Variants in CRB2 observed in about 807,000 individuals in gnomAD.
CRB2 encodes the protein protein crumbs homolog 2.
A neutral mutation model predicts 110.9 loss-of-function variants in CRB2; 85 were observed. The observed-to-expected ratio is 0.77, with a 90% CI of 0.64 to 0.92. CRB2 has a LOEUF of 0.92. Among genes scored for constraint, CRB2 ranks in the 40% least tolerant of loss-of-function variants. CRB2 has a pLI of 0.00. For missense variants in CRB2, 1,843 were observed against 1,851.3 expected (o/e 1.00, Z 0.08); for synonymous variants, 907 against 831.0 (o/e 1.09, Z -1.57).
intron 2 of CRB2, among the ~76,000 whole-genome samples, chr9:123,365,080 G>A (rs1365319044): frequency 6.6e-6 from 1 of 152,080 alleles, no homozygotes; most frequent in African/African-American, 2.4e-5. Context: ...TGGCCAACAT[G>A]GTGAAACGCC....
At chr9:123,354,182 G>A (rs2041775186), upstream of CRB2, among the ~76,000 whole-genome samples, 3 of 152,208 alleles carry the variant, frequency 2.0e-5, no homozygotes, top group African/African-American at 7.2e-5. Flanking sequence ...GTGCTGTCGG[G>A]GGAGCCCCCC....
rs1263071117 is a variant in CRB2 at position 123,370,168 on chromosome 9, C to T, written c.1115C>T (p.Thr372Ile). The change falls in exon 7 of 13, where the codon ACC becomes ATC. Residue 372 changes from threonine to isoleucine, a missense_variant. Thr to Ile is a moderately conservative substitution (Grantham distance 89). Transcript: ENST00000373631. ...TCGGATCCCTGCCTGCACGGCGGAA[C>T]CTGCAGTGACACTGTGGCAGGCTAT... Reference protein sequence around the residue: ...CLSDPCLHGGTCSDTVAGYIC... With the variant: ...CLSDPCLHGGICSDTVAGYIC... 7.5e-6 allele frequency: 12 copies of T among 1,610,578 alleles called. No homozygotes were observed. The highest frequency in any genetic ancestry group is 1.3e-5 in the African/African-American group (1 of 74,908).
At position 123,370,037 on chromosome 9, in the gene CRB2, T is replaced by G. The variant is rs558196858; in HGVS notation, c.1055-71T>G. ...ACTGAGGTCCCCATCATAAGAGGCA[T>G]GTAAGTTCTGGGTCAGTACTGTGAT... On this transcript the variant is annotated intron_variant, in intron 6 of 12. Transcript: ENST00000373631. The G allele has an allele frequency of 2.8e-4, 421 of 1,499,098 alleles. 1 individual carries two copies. The highest frequency in any genetic ancestry group is 3.6e-4 in the Non-Finnish European group (403 of 1,120,080). 92.9% of individuals were successfully genotyped at this position (1,499,098 alleles called of 1,614,324 possible).
chr9:123,367,110 TA>T, intron 4 of CRB2, 61 bp from the exon 5 acceptor site: 1 of 1,482,594 alleles, frequency 6.7e-7, no homozygotes, highest in Non-Finnish European at 8.9e-7. Context: ...AGCCTGGTCA[TA>T]GTGAAGAGGT....
chr9:123,371,154 C>T lies in CRB2; in HGVS notation c.2012C>T (p.Thr671Ile). The T allele has an allele frequency of 6.2e-7, 1 of 1,613,734 alleles. No individual in the cohort carries two copies. The change falls in exon 8 of 13, where the codon ACA becomes ATA. Residue 671 changes from threonine to isoleucine, a missense_variant. Thr to Ile is a moderately conservative substitution (Grantham distance 89, BLOSUM62 -1). Coordinates refer to ENST00000373631, the MANE Select transcript of CRB2 (RefSeq NM_173689.7). Reference sequence around the variant, plus strand: ...CAAGAGCTGCCAGGTCCCAACCTCACAGTGTCTTTCCTTCTCCGCACTCGG... The same window carrying T: ...CAAGAGCTGCCAGGTCCCAACCTCATAGTGTCTTTCCTTCTCCGCACTCGG... ...LLQELPGPNLTVSFLLRTRES... is the reference protein window; with the variant it reads ...LLQELPGPNLIVSFLLRTRES...
At chr9:123,356,116 G>A, upstream of CRB2, 1 of 509,720 alleles carries the variant, frequency 2.0e-6, no homozygotes, top group Non-Finnish European at 3.4e-6. Flanking sequence ...TGGGTGGGAG[G>A]AGGAGGCGGT....
At position 123,362,986 on chromosome 9, in the gene CRB2, C is replaced by T. The variant is rs780723648; in HGVS notation, c.216C>T (p.Ala72=). ...TCGPMEPRGC[A]TQPCHHGALC... is the part of the protein sequence containing the mutation. ...GGCCCATGGAGCCCCGGGGCTGTGCCACCCAGCCATGCCACCACGGCGCTC... is the reference window on the plus strand; with the variant it reads ...GGCCCATGGAGCCCCGGGGCTGTGCTACCCAGCCATGCCACCACGGCGCTC... The change falls in exon 2 of 13, where the codon GCC becomes GCT. Residue 72 remains alanine (A), a synonymous_variant. Transcript: ENST00000373631. 8 of 1,612,342 alleles carry T rather than the reference C, an allele frequency of 5.0e-6. No individual in the cohort carries two copies. The highest frequency in any genetic ancestry group is 2.2e-5 in the East Asian group (1 of 44,878).
Position 123,356,363 on chromosome 9 carries a change from G to T in CRB2, c.94+9G>T. 1 of 1,540,484 alleles carries T rather than the reference G, an allele frequency of 6.5e-7. No individual in the cohort carries two copies. Among genetic ancestry groups the T allele is most frequent in the African/African-American group, 1.4e-5 (1 of 72,556 alleles). On this transcript the variant is annotated intron_variant, in intron 1 of 12. Coordinates refer to ENST00000373631, the MANE Select transcript of CRB2 (RefSeq NM_173689.7). ...CCTTTCCCTCCTGGCTGGTGAGTTG[G>T]GGCCCATGTCTGGAGGGGCCTGGGA...
At position 123,377,001 on chromosome 9, in the gene CRB2, C is replaced by T. The variant is rs1158395546; in HGVS notation, c.3797C>T (p.Ala1266Val). The change falls in exon 13 of 13, where the codon GCT (alanine) becomes GTT (valine). Residue 1266 changes from alanine (A) to valine (V), a missense_variant. Transcript: ENST00000373631. ...GTYSPSQQEV[A>V]GARLEMDSVL... is the part of the protein sequence containing the mutation. ...TACAGCCCAAGCCAGCAGGAGGTGG[C>T]TGGGGCCCGGCTGGAGATGGACAGT... 2.5e-6 allele frequency: 4 copies of T among 1,609,102 alleles called. No homozygotes were observed. In the South Asian group the frequency reaches 3.3e-5, roughly 13 times the overall value.
intron 2 of CRB2, among the ~76,000 whole-genome samples, chr9:123,364,215 C>T (rs918668909): frequency 9.9e-5 from 15 of 152,086 alleles, no homozygotes; most frequent in African/African-American, 3.1e-4. Context: ...AGGTCACATT[C>T]GTCCATGTGT....
In CRB2 at chr9:123,376,819, G is replaced by T; in HGVS notation, c.3634-19G>T. On this transcript the variant is annotated intron_variant, in intron 12 of 12. Transcript: ENST00000373631. ...CCCCTTCTCTGCGGTCTTAGGCCTCGGTGTCGTGTCTCTTGCAGAAGGGCC... is the reference window on the plus strand; with the variant it reads ...CCCCTTCTCTGCGGTCTTAGGCCTCTGTGTCGTGTCTCTTGCAGAAGGGCC... The T allele has an allele frequency of 6.3e-7, 1 of 1,595,236 alleles. No individual in the cohort carries two copies. The highest frequency in any genetic ancestry group is 8.5e-7 in the Non-Finnish European group (1 of 1,172,756).
At position 123,376,866 on chromosome 9, in the gene CRB2, C is replaced by T. The variant is rs780842675; in HGVS notation, c.3662C>T (p.Pro1221Leu). ...GGCCTGCCCCTGCCGCTGCCATTCC[C>T]ACTGCTGGAGGTGGCCGTACCTGCA... ...AKGLPLPLPFPLLEVAVPAAC... is the reference protein window; with the variant it reads ...AKGLPLPLPFLLLEVAVPAAC... Residue 1221 changes from proline (P) to leucine (L), a missense_variant, in exon 13 of 13, where the codon CCA (proline) becomes CTA (leucine). Physicochemically the swap from Pro to Leu is moderately conservative, Grantham distance 98. Coordinates refer to ENST00000373631, the MANE Select transcript of CRB2 (RefSeq NM_173689.7). The T allele has an allele frequency of 6.2e-7, 1 of 1,609,548 alleles. No individual in the cohort carries two copies. The highest frequency in any genetic ancestry group is 1.1e-5 in the South Asian group (1 of 90,312).
intron 2 of CRB2, among the ~76,000 whole-genome samples, chr9:123,364,283 C>G (rs1485366233): frequency 1.3e-5 from 1 of 77,528 alleles, no homozygotes; most frequent in East Asian, 4.1e-4. Context: ...CTGGGGGTGT[C>G]TGCAGTCTGA....
chr9:123,380,246 T>G (rs574569299), downstream of CRB2: 2 of 152,566 alleles, frequency 1.3e-5, no homozygotes, highest in South Asian at 4.1e-4. Context: ...TTAACTTGGT[T>G]TATGGAAATG....
Position 123,365,962 on chromosome 9 carries a change from G to A in CRB2, c.464G>A (p.Cys155Tyr), listed in dbSNP as rs759056934. The A allele has an allele frequency of 6.3e-7, 1 of 1,597,376 alleles. No homozygotes were observed. The highest frequency in any genetic ancestry group is 8.5e-7 in the Non-Finnish European group (1 of 1,178,986). ...MEVDECASAP[C>Y]LHGGSCLDGV... is the part of the protein sequence containing the mutation. Reference sequence around the variant, plus strand: ...GTGGACGAGTGCGCCTCAGCGCCCTGCCTGCACGGGGGCTCGTGCCTGGAC... The same window carrying A: ...GTGGACGAGTGCGCCTCAGCGCCCTACCTGCACGGGGGCTCGTGCCTGGAC... The change falls in exon 3 of 13, where the codon TGC (cysteine) becomes TAC (tyrosine). Residue 155 changes from cysteine (C) to tyrosine (Y), a missense_variant. Physicochemically the swap from Cys to Tyr is radical, Grantham distance 194. Transcript: ENST00000373631.
chr9:123,365,783 A>ACC, intron 2 of CRB2, 134 bp from the exon 3 acceptor site: 2 of 518,180 alleles, frequency 3.9e-6, no homozygotes, highest in African/African-American at 2.3e-5. Flanking sequence ...CCCACCCCCC[A>ACC]ACCACCACCA....
rs778114990 is a variant in CRB2, at chr9:123,370,457, A to G, written c.1404A>G (p.Thr468=). 2.5e-6 allele frequency: 4 copies of G among 1,613,174 alleles called. No homozygotes were observed. The highest frequency in any genetic ancestry group is 3.3e-5 in the Admixed American group (2 of 59,994). The stretch of plus-strand genomic sequence containing the variant: ...GTCTGGCACTGAGGTTTCGCACCAC[A>G]CTGCCCGCTGGGACCTTGGCCACTC... ...PLGLALRFRT[T]LPAGTLATRN... is the part of the protein sequence containing the mutation. Residue 468 remains threonine (T), a synonymous_variant, in exon 7 of 13, where the codon ACA becomes ACG. Coordinates refer to ENST00000373631, the MANE Select transcript of CRB2 (RefSeq NM_173689.7).
At chr9:123,363,784 C>CT (rs1424327508) in intron 2 of CRB2, among the ~76,000 whole-genome samples, 2 of 152,254 alleles carry the variant, frequency 1.3e-5, no homozygotes, top group Non-Finnish European at 2.9e-5. Flanking sequence ...AGAAAAGTGA[C>CT]TGGCACTAAG....
In CRB2 at chr9:123,373,834, C is replaced by T. The variant is rs778889706; in HGVS notation, c.3303C>T (p.Ala1101=). 2.5e-5 allele frequency: 39 copies of T among 1,571,324 alleles called. No homozygotes were observed. The highest frequency in any genetic ancestry group is 9.2e-5 in the South Asian group (8 of 87,012). ...CCCACGTCGACCCCTGTCACTCCGC[C>T]CCCTGCGCCCGTGGCCGCTGTCACA... ...CEAHVDPCHS[A]PCARGRCHTH... is the part of the protein sequence containing the mutation. Residue 1101 remains alanine (A), a synonymous_variant, in exon 10 of 13, where the codon GCC becomes GCT. Transcript: ENST00000373631.
Sources: allele counts gnomAD v4.1 joint callset (sites outside exome capture counted in the v4.1 genomes callset), GRCh38; gene constraint gnomAD v4.1.1; transcripts MANE v1.5; gene names NCBI Gene and HGNC (gene_info 2026-07-23, HGNC 2026-07-21).